MYO18B: variants seen among roughly 807,000 people sequenced by gnomAD.
MYO18B encodes unconventional myosin-XVIIIb.
Under a neutral mutation model 273.0 loss-of-function variants are expected in MYO18B, and 204 were observed. The observed-to-expected ratio is 0.75, with a 90% CI of 0.67 to 0.84. The LOEUF (loss-of-function observed/expected upper bound fraction) is 0.84. Among genes scored for constraint, MYO18B ranks in the 40% least tolerant of loss-of-function variants. The pLI, the probability that MYO18B is intolerant of heterozygous loss-of-function variation, is 0.00. For missense variants in MYO18B, 3,212 were observed against 3,287.6 expected (o/e 0.98, Z 0.56); for synonymous variants, 1,330 against 1,305.7 (o/e 1.02, Z -0.40).
At chr22:25,766,063 G>A (rs1338248364) in intron 3 of MYO18B, among the ~76,000 whole-genome samples, 1 of 152,044 alleles carries the variant, frequency 6.6e-6, no homozygotes, top group Admixed American at 6.6e-5. Context: ...CAGAGTCTCT[G>A]GGAATAAGGC....
At chr22:25,888,149 T>C (rs1475604838) in intron 25 of MYO18B, among the ~76,000 whole-genome samples, 2 of 152,198 alleles carry the variant, frequency 1.3e-5, no homozygotes, top group Non-Finnish European at 2.9e-5. Flanking sequence ...TCTATGGCAG[T>C]AATTCCTAAA....
At chr22:26,044,595 A>G in the MYO18B span, among the ~76,000 whole-genome samples, 492 of 152,394 alleles carry the variant, frequency 3.2e-3, 8 homozygotes, top group East Asian at 0.018. Flanking sequence ...ATTTTCACAT[A>G]GGATGACTTT....
At chr22:25,852,896 A>G (rs768806379) in intron 21 of MYO18B, among the ~76,000 whole-genome samples, 33 of 152,352 alleles carry the variant, frequency 2.2e-4, no homozygotes, top group Non-Finnish European at 4.6e-4. Flanking sequence ...AAGGACCACA[A>G]TGCAGAAAAT....
intron 39 of MYO18B, among the ~76,000 whole-genome samples, chr22:25,962,069 A>G (rs2092923766): frequency 6.6e-6 from 1 of 152,180 alleles, no homozygotes; most frequent in African/African-American, 2.4e-5. Flanking sequence ...ACCGTGAGCC[A>G]AGTAAACCTC....
downstream of MYO18B, among the ~76,000 whole-genome samples, chr22:26,034,562 C>CTAAG (rs10624344): frequency 0.2 from 29,742 of 152,108 alleles, 4,057 homozygotes; most frequent in African/African-American, 0.39. Context: ...TCCCTGATGC[C>CTAAG]TCTGTGGCTC....
At chr22:25,973,469 A>C (rs745798488) in intron 39 of MYO18B, among the ~76,000 whole-genome samples, 2 of 152,268 alleles carry the variant, frequency 1.3e-5, no homozygotes, top group Non-Finnish European at 2.9e-5. Context: ...TTCAGCAGAC[A>C]GAACAAGTGA....
At chr22:26,003,971 A>T (rs564582322) in intron 41 of MYO18B, among the ~76,000 whole-genome samples, 10 of 149,368 alleles carry the variant, frequency 6.7e-5, no homozygotes, top group Non-Finnish European at 8.9e-5. Flanking sequence ...AATAATTTTT[A>T]AAAATTTTAT....
At chr22:26,016,949 T>A (rs1323187499) in intron 42 of MYO18B, among the ~76,000 whole-genome samples, 1 of 152,212 alleles carries the variant, frequency 6.6e-6, no homozygotes, top group African/African-American at 2.4e-5. Context: ...TATAGAATAA[T>A]GGTTTATGAG....
intron 34 of MYO18B, among the ~76,000 whole-genome samples, chr22:25,942,572 G>A (rs1468094005): frequency 6.6e-6 from 1 of 152,204 alleles, no homozygotes; most frequent in Non-Finnish European, 1.5e-5. Context: ...GTTGGAGCAA[G>A]CAGGCTCTCC....
At chr22:25,939,544 G>A (rs1482127827) in intron 34 of MYO18B, among the ~76,000 whole-genome samples, 2 of 152,190 alleles carry the variant, frequency 1.3e-5, no homozygotes, top group East Asian at 3.8e-4. Context: ...AACCACTGTG[G>A]CCAACAGGAG....
intron 12 of MYO18B, among the ~76,000 whole-genome samples, chr22:25,804,453 C>G (rs1036055346): frequency 6.6e-6 from 1 of 152,176 alleles, no homozygotes; most frequent in African/African-American, 2.4e-5. Context: ...AGTTGTGGCT[C>G]AGAGAGGTGG....
chr22:25,861,941 T>G (rs1177447893), intron 21 of MYO18B, among the ~76,000 whole-genome samples: 1 of 152,156 alleles, frequency 6.6e-6, no homozygotes, highest in Non-Finnish European at 1.5e-5. Flanking sequence ...ACCCTCCATA[T>G]GTATCTGTGG....
rs747342106 is a variant in MYO18B, at chr22:26,027,028, G to A, written c.7054G>A (p.Glu2352Lys). The A allele has an allele frequency of 6.8e-5, 110 of 1,613,950 alleles. 1 individual carries two copies. Among genetic ancestry groups the A allele is most frequent in the East Asian group, 8.9e-5 (4 of 44,868 alleles). Reference protein sequence around the residue: ...EKSKTQFSSCESLLESRPSMG... With the variant: ...EKSKTQFSSCKSLLESRPSMG... Reference sequence around the variant, plus strand: ...GTCGAAAACCCAATTCAGTTCCTGCGAGTCCCTCTTAGAATCCAGACCGAG... The same window carrying A: ...GTCGAAAACCCAATTCAGTTCCTGCAAGTCCCTCTTAGAATCCAGACCGAG... Residue 2352 changes from glutamate (E) to lysine (K), a missense_variant, in exon 43 of 44, where the codon GAG becomes AAG. Physicochemically the swap from Glu to Lys is moderately conservative, Grantham distance 56. Transcript: ENST00000335473. The surrounding 1 kb of genome is among the most constrained non-coding windows in gnomAD (Gnocchi z 4.1).
chr22:25,781,912 C>A, intron 10 of MYO18B, 78 bp downstream of exon 10: 1 of 1,036,526 alleles, frequency 9.6e-7, no homozygotes, highest in Non-Finnish European at 1.3e-6. Flanking sequence ...CCAGCCTTAG[C>A]TTCTGCCCAG....
At chr22:25,780,017 G>T in intron 8 of MYO18B, 39 bp from the exon 9 acceptor site, 1 of 1,532,004 alleles carries the variant, frequency 6.5e-7, no homozygotes, top group South Asian at 1.2e-5. Flanking sequence ...GCAGCACCTG[G>T]GCCATCAGTG....
intron 39 of MYO18B, among the ~76,000 whole-genome samples, chr22:25,956,140 A>G (rs544511397): frequency 3.1e-4 from 47 of 152,162 alleles, no homozygotes; most frequent in African/African-American, 1.1e-3. Flanking sequence ...TTTGAACCCA[A>G]GGCTGCCTGA....
chr22:25,891,303 G>A lies in MYO18B; in HGVS notation c.4435-1G>A. On this transcript the variant is annotated splice_acceptor_variant, in intron 26 of 43. Coordinates refer to ENST00000335473, the MANE Select transcript of MYO18B (RefSeq NM_032608.7). LOFTEE classifies it high-confidence loss of function. ...TTTAGACCTTGAGCCCTTTCTTCTA[G>A]AGCAAGCATGAACAAGTCCAGAAAA... 1.9e-6 allele frequency: 3 copies of A among 1,562,358 alleles called. No homozygotes were observed. Among genetic ancestry groups the A allele is most frequent in the Non-Finnish European group, 2.6e-6 (3 of 1,151,924 alleles).
intron 40 of MYO18B, among the ~76,000 whole-genome samples, chr22:25,997,982 A>AC (rs1933514153): frequency 7.1e-6 from 1 of 140,994 alleles, no homozygotes; most frequent in Non-Finnish European, 1.6e-5. Context: ...CACACACGAG[A>AC]GAGAGAGAGA....
At chr22:25,814,700 A>G (rs1449386996) in intron 12 of MYO18B, among the ~76,000 whole-genome samples, 1 of 152,128 alleles carries the variant, frequency 6.6e-6, no homozygotes, top group African/African-American at 2.4e-5. Flanking sequence ...TGGACTCATC[A>G]TTCAGAGACA....
Sources: gnomAD v4.1 joint callset for allele counts (sites outside exome capture counted in the v4.1 genomes callset) on GRCh38, gnomAD v4.1.1 for gene constraint, Gnocchi (gnomAD v3.1) non-coding constraint, MANE v1.5 for transcripts, NCBI Gene and HGNC (gene_info 2026-07-23, HGNC 2026-07-21) for gene names.